The following TCP11L2 variants were observed in gnomAD, a reference collection of about 807,000 sequenced individuals.
TCP11L2 encodes the protein t-complex 11 like 2.
In TCP11L2, 39 loss-of-function variants were observed where a neutral mutation model predicts 50.7. The ratio of observed to expected loss-of-function variants is 0.77; its 90% CI spans 0.60 to 1.01. TCP11L2 has a LOEUF of 1.01. Ranked by LOEUF, TCP11L2 falls within the 50% of genes least tolerant of loss-of-function variation. The pLI, the probability that TCP11L2 is intolerant of heterozygous loss-of-function variation, is 0.00. For missense variants in TCP11L2, 612 were observed against 614.7 expected (o/e 1.00, Z 0.05); for synonymous variants, 192 against 219.3 (o/e 0.88, Z 1.10).
intron 6 of TCP11L2, among the ~76,000 whole-genome samples, chr12:106,327,635 G>A (rs1302201926): frequency 6.6e-6 from 1 of 152,218 alleles, no homozygotes; most frequent in African/African-American, 2.4e-5. Flanking sequence ...CCCAGAAGCA[G>A]AGTGTATGTC....
Position 106,320,313 on chromosome 12 carries a change from T to A in TCP11L2, c.415-1173T>A, listed in dbSNP as rs2264816. On this transcript the variant is annotated intron_variant, in intron 4 of 9. Transcript: ENST00000299045. ...CTCAGGAGGCTGGGGCAGGAGAATC[T>A]CTTGAACCTGGGAGGCGGAGATTGC... is the stretch of plus-strand genomic sequence containing the variant. Among the ~76,000 whole-genome samples, 162 of 151,744 alleles carry A rather than the reference T, an allele frequency of 1.1e-3. 4 individuals carry two copies. In the East Asian group the frequency reaches 0.017, roughly 16 times the overall value.
chr12:106,325,572 A>G (rs944339714), intron 6 of TCP11L2: 2 of 152,202 alleles, frequency 1.3e-5, no homozygotes, highest in African/African-American at 4.8e-5. Context: ...CCTTGATGAG[A>G]GTGGTTTCAG....
chr12:106,313,332 C>G (rs2034930591), intron 2 of TCP11L2, among the ~76,000 whole-genome samples: 1 of 152,112 alleles, frequency 6.6e-6, no homozygotes. Flanking sequence ...CACCTGTAAT[C>G]CCAGCACTTT....
At chr12:106,314,561 G>A (rs1372460496) in intron 3 of TCP11L2, 68 bp downstream of exon 3, 4 of 956,624 alleles carry the variant, frequency 4.2e-6, no homozygotes, top group Non-Finnish European at 6.1e-6. Flanking sequence ...GTGTGTGTGT[G>A]TGTGTGTGTG....
chr12:106,320,055 C>T (rs961736188), intron 4 of TCP11L2, among the ~76,000 whole-genome samples: 3 of 152,180 alleles, frequency 2.0e-5, no homozygotes, highest in South Asian at 2.1e-4. Flanking sequence ...AGCAGATCCT[C>T]GCATCATATT....
Position 106,327,255 on chromosome 12 carries a change from A to G in TCP11L2, c.772+3609A>G, listed in dbSNP as rs575426917. 1.6e-4 allele frequency among the ~76,000 whole-genome samples: 25 copies of G among 151,998 alleles called. No homozygotes were observed. In the South Asian group the frequency reaches 4.8e-3, roughly 29 times the overall value. The stretch of plus-strand genomic sequence containing the variant: ...ATTGCCCAGGCTGGGGTGCAGTGGC[A>G]TGATGATAACTTACTCTAGCCTCCA... On this transcript the variant is annotated intron_variant, in intron 6 of 9. Transcript: ENST00000299045.
chr12:106,334,304 TAGAA>T (rs1436138566), intron 6 of TCP11L2, among the ~76,000 whole-genome samples: 1 of 152,196 alleles, frequency 6.6e-6, no homozygotes, highest in African/African-American at 2.4e-5. Context: ...GTGGTGGCCT[TAGAA>T]AGGTTATGGG....
chr12:106,341,812 C>A (rs1305777797), intron 9 of TCP11L2, among the ~76,000 whole-genome samples: 1 of 152,174 alleles, frequency 6.6e-6, no homozygotes. Context: ...TCCCTGTTGG[C>A]TCAAACAGTG....
intron 9 of TCP11L2, among the ~76,000 whole-genome samples, chr12:106,344,487 C>G (rs149792594): frequency 1.1e-4 from 17 of 152,128 alleles, no homozygotes; most frequent in African/African-American, 4.1e-4. Flanking sequence ...ACTTTTGGCA[C>G]GACATTGAAG....
At chr12:106,307,727 C>T (rs1019950150) in intron 1 of TCP11L2, among the ~76,000 whole-genome samples, 3 of 152,198 alleles carry the variant, frequency 2.0e-5, no homozygotes, top group Admixed American at 6.5e-5. Flanking sequence ...TCTATGTTAA[C>T]TACCAGCCTT....
Position 106,346,242 on chromosome 12 carries a change from A to G in TCP11L2, c.1316-44A>G, listed in dbSNP as rs140233000. 3.1e-4 allele frequency: 477 copies of G among 1,546,378 alleles called. 9 individuals carry two copies. In the African/African-American group the frequency reaches 6.0e-3, roughly 19 times the overall value. ...TTGTTCTTGTTTTTAAAAATTATGT[A>G]CTTTAATAATGGACAGATAAAAGTA... On this transcript the variant is annotated intron_variant, in intron 9 of 9. Transcript: ENST00000299045.
intron 6 of TCP11L2, 108 bp from the exon 7 acceptor site, chr12:106,335,531 G>T: frequency 8.8e-7 from 1 of 1,135,832 alleles, no homozygotes; most frequent in Non-Finnish European, 1.3e-6. Context: ...GGGCATGGCT[G>T]TGTCTTCTCA....
rs555635700 is a variant in TCP11L2 at position 106,314,499 on chromosome 12, CT to C, written c.293+7del. On this transcript the variant is annotated splice_region_variant and intron_variant, in intron 3 of 9. Transcript: ENST00000299045. ...GAGGCTCTCCCAGAAAAGAGGTAAC[CT>C]GGGGGCATTTGTTGTATATAAACTG... The C allele has an allele frequency of 4.6e-3, 7,271 of 1,582,450 alleles. 169 individuals are homozygous for C. Among genetic ancestry groups the C allele is most frequent in the Non-Finnish European group, 5.6e-3 (6,471 of 1,161,422 alleles).
chr12:106,344,687 A>G (rs1056188696), intron 9 of TCP11L2, among the ~76,000 whole-genome samples: 9 of 152,214 alleles, frequency 5.9e-5, no homozygotes, highest in African/African-American at 2.2e-4. Flanking sequence ...TCTATATTCA[A>G]TGTGGCATAT....
At chr12:106,326,209 C>T (rs2035540324) in intron 6 of TCP11L2, among the ~76,000 whole-genome samples, 1 of 152,162 alleles carries the variant, frequency 6.6e-6, no homozygotes, top group Admixed American at 6.5e-5. Flanking sequence ...AAAGACAAAA[C>T]AGGCGCCACA....
At chr12:106,309,938 G>C (rs10778463) in intron 1 of TCP11L2, among the ~76,000 whole-genome samples, 112,562 of 151,964 alleles carry the variant, frequency 0.74, 42,544 homozygotes, top group African/African-American at 0.83. Flanking sequence ...GCTGGTTTAG[G>C]TTTAAAAGGA....
upstream of TCP11L2, among the ~76,000 whole-genome samples, chr12:106,302,635 T>G (rs991525247): frequency 1.3e-5 from 2 of 151,646 alleles, no homozygotes; most frequent in Non-Finnish European, 2.9e-5. Context: ...TGACGAAGAC[T>G]GTTTCTCTAA....
chr12:106,320,882 T>G (rs1462100424), intron 4 of TCP11L2, among the ~76,000 whole-genome samples: 1 of 152,212 alleles, frequency 6.6e-6, no homozygotes, highest in Admixed American at 6.5e-5. Flanking sequence ...AGAATTTTTG[T>G]TTGCAAACAT....
At chr12:106,339,618 T>C (rs2036030641) in intron 8 of TCP11L2, among the ~76,000 whole-genome samples, 1 of 152,254 alleles carries the variant, frequency 6.6e-6, no homozygotes, top group Non-Finnish European at 1.5e-5. Flanking sequence ...TAGTTAAGTC[T>C]TTAATCCATC....
Sources: gnomAD v4.1 joint callset for allele counts (sites outside exome capture counted in the v4.1 genomes callset) on GRCh38, gnomAD v4.1.1 for gene constraint, MANE v1.5 for transcripts, NCBI Gene and HGNC (gene_info 2026-07-23, HGNC 2026-07-21) for gene names.